Variants in CLCN7 observed in about 807,000 individuals in gnomAD.
The protein encoded by CLCN7 is H(+)/Cl(-) exchange transporter 7.
Under a neutral mutation model 102.1 loss-of-function variants are expected in CLCN7, and 60 were observed. The observed-to-expected ratio is 0.59, with a 90% confidence interval of 0.48 to 0.73. The LOEUF is 0.73. Ranked by LOEUF, CLCN7 falls within the 30% of genes least tolerant of loss-of-function variation. The probability of loss-of-function intolerance (pLI) is 0.00; values close to 1 mark genes in which losing one functional copy is unlikely to be tolerated. For synonymous variants in CLCN7, 560 were observed against 490.5 expected (o/e 1.14, Z -1.87); for missense variants, 962 against 1,125.7 (o/e 0.85, Z 2.08).
chr16:1,461,701 A>C, intron 2 of CLCN7, 27 bp from the exon 3 acceptor site: 1 of 1,601,968 alleles, frequency 6.2e-7, no homozygotes, highest in African/African-American at 1.3e-5. Flanking sequence ...CAAAGAGAGA[A>C]GCACAGTTGA....
At chr16:1,469,860 G>A (rs767487100) in intron 1 of CLCN7, among the ~76,000 whole-genome samples, 1 of 152,170 alleles carries the variant, frequency 6.6e-6, no homozygotes, top group African/African-American at 2.4e-5. Flanking sequence ...GCCTCTCCCC[G>A]CAATGGAATA....
chr16:1,452,515 G>A, intron 15 of CLCN7: 1 of 558,406 alleles, frequency 1.8e-6, no homozygotes, highest in African/African-American at 1.9e-5. Context: ...ATTCTGGGAA[G>A]AGGACTGGGG....
chr16:1,448,711 G>T lies in CLCN7; in HGVS notation c.1853C>A (p.Ala618Asp). The T allele has an allele frequency of 6.2e-7, 1 of 1,612,626 alleles. No homozygotes were observed. Among genetic ancestry groups the T allele is most frequent in the Non-Finnish European group, 8.5e-7 (1 of 1,179,962 alleles). The change falls in exon 20 of 25, where the codon GCC (alanine) becomes GAC (aspartate). Residue 618 changes from alanine (A) to aspartate (D), a missense_variant. Coordinates refer to ENST00000382745, the MANE Select transcript of CLCN7 (RefSeq NM_001287.6). Reference protein sequence around the residue: ...LQSVPFLHWEAPVTSHSLTAR... With the variant: ...LQSVPFLHWEDPVTSHSLTAR... Reference sequence around the variant, plus strand: ...AGTGAGTGAGTGTGAGGTGACCGGGGCCTCCCAGTGCAGGAAGGGCACACT... The same window carrying T: ...AGTGAGTGAGTGTGAGGTGACCGGGTCCTCCCAGTGCAGGAAGGGCACACT...
rs1159210965 is a variant in CLCN7 at position 1,448,976 on chromosome 16, A to G, written c.1787T>C (p.Val596Ala). 1 of 1,612,522 alleles carries G rather than the reference A, an allele frequency of 6.2e-7. No homozygotes were observed. Among genetic ancestry groups the G allele is most frequent in the African/African-American group, 1.3e-5 (1 of 74,984 alleles). The change falls in exon 19 of 25, where the codon GTC becomes GCC. Residue 596 changes from valine to alanine, a missense_variant. Transcript: ENST00000382745. ...VLMTAKIVGDVFIEGLYDMHI... is the reference protein window; with the variant it reads ...VLMTAKIVGDAFIEGLYDMHI... ...GAGGCCCTGGCGCACCTCAATGAAGACGTCGCCCACGATCTTGGCGGTCAT... is the reference window on the plus strand; with the variant it reads ...GAGGCCCTGGCGCACCTCAATGAAGGCGTCGCCCACGATCTTGGCGGTCAT...
At chr16:1,468,910 G>A (rs925121742) in intron 1 of CLCN7, among the ~76,000 whole-genome samples, 4 of 152,086 alleles carry the variant, frequency 2.6e-5, no homozygotes, top group African/African-American at 4.8e-5. Context: ...TCAAAAAAGG[G>A]CTGGGCACAG....
chr16:1,474,096 A>AT (rs951047287), intron 1 of CLCN7: 7 of 443,056 alleles, frequency 1.6e-5, no homozygotes, highest in African/African-American at 8.2e-5. Flanking sequence ...AAAAAAAAAA[A>AT]ATATTAAGAC....
rs548034838 is a variant in CLCN7 at position 1,457,423 on chromosome 16, G to A, written c.739-86C>T. 5.5e-4 allele frequency: 628 copies of A among 1,143,852 alleles called. 2 individuals are homozygous for A. Among genetic ancestry groups the A allele is most frequent in the Non-Finnish European group, 5.5e-4 (437 of 795,650 alleles). The allele number at this position is 1,143,852 out of a possible 1,614,324, so 70.9% of individuals were successfully genotyped here. On this transcript the variant is annotated intron_variant, in intron 8 of 24. Coordinates refer to ENST00000382745, the MANE Select transcript of CLCN7 (RefSeq NM_001287.6). The surrounding 1 kb of genome is among the most constrained non-coding windows in gnomAD (Gnocchi z 5.4). The stretch of plus-strand genomic sequence containing the variant: ...GAAGGACCGATGCTCAGAGACACGC[G>A]TGACGCGGCCCTTCCTGGAGACCAG...
In CLCN7 at chr16:1,445,944, T is replaced by G; in HGVS notation, c.*687A>C. The G allele has an allele frequency of 2.3e-5, 6 of 262,082 alleles. No homozygotes were observed. The highest frequency in any genetic ancestry group is 8.3e-5 in the South Asian group (1 of 11,978). The allele number at this position is 262,082 out of a possible 1,614,324, so 16.2% of individuals were successfully genotyped here. ...GGCATGGGGCTCAGGGCCTTGGAGG[T>G]TTTTCTCAGCTCTCAACATCACAGC... is the stretch of plus-strand genomic sequence containing the variant. On this transcript the variant is annotated 3_prime_UTR_variant, in exon 25 of 25. Transcript: ENST00000382745.
At chr16:1,450,731 GC>G (rs2038735318) in intron 16 of CLCN7, 65 bp from the exon 17 acceptor site, 1 of 1,217,280 alleles carries the variant, frequency 8.2e-7, no homozygotes, top group Non-Finnish European at 1.1e-6. Context: ...GCCCTGCCCC[GC>G]TGCCCAGTCT....
intron 10 of CLCN7, 61 bp downstream of exon 10, chr16:1,456,052 A>G: frequency 7.3e-7 from 1 of 1,361,038 alleles, no homozygotes; most frequent in Middle Eastern, 2.2e-4. Flanking sequence ...CAGAGAGGAG[A>G]CCGTTCCTTC....
intron 1 of CLCN7, among the ~76,000 whole-genome samples, chr16:1,468,715 T>G (rs1351338888): frequency 6.6e-6 from 1 of 151,490 alleles, no homozygotes; most frequent in Non-Finnish European, 1.5e-5. Context: ...GAAAGATGGG[T>G]CTGAAAATAG....
intron 19 of CLCN7, 90 bp downstream of exon 19, chr16:1,448,876 C>A (rs1026187628): frequency 6.9e-6 from 11 of 1,599,584 alleles, no homozygotes; most frequent in Admixed American, 3.3e-5. Flanking sequence ...GAGCCTACCC[C>A]CCGGGACCGG....
Position 1,446,090 on chromosome 16 carries a change from A to G in CLCN7, c.*541T>C. 1.7e-6 allele frequency: 1 copy of G among 590,496 alleles called. No homozygotes were observed. The highest frequency in any genetic ancestry group is 2.1e-5 in the South Asian group (1 of 48,060). The allele number at this position is 590,496 out of a possible 1,614,324, so 36.6% of individuals were successfully genotyped here. A position where few individuals can be genotyped will look rare whatever the true frequency, so the allele number is the denominator to read the frequency against. On this transcript the variant is annotated 3_prime_UTR_variant, in exon 25 of 25. Transcript: ENST00000382745. ...TGAAGCTGCTCTCCGGGGCGGTCGCAGCCTCCAAACCCTGGTGCTACGAGT... is the reference window on the plus strand; with the variant it reads ...TGAAGCTGCTCTCCGGGGCGGTCGCGGCCTCCAAACCCTGGTGCTACGAGT...
chr16:1,455,515 G>A lies in CLCN7; in HGVS notation c.981+216C>T, dbSNP rs191896610. ...TTCCCGGCTGTTTGATCCCCTACCC[G>A]GGAGCCACCCAGGGCTGGCAATGGT... On this transcript the variant is annotated intron_variant, in intron 11 of 24. Transcript: ENST00000382745. The A allele has an allele frequency of 2.1e-4, 140 of 668,218 alleles. No individual in the cohort carries two copies. The African/African-American group carries it at 2.2e-3, about 11-fold the overall frequency. 41.4% of individuals were successfully genotyped at this position (668,218 alleles called of 1,614,324 possible). A position where few individuals can be genotyped will look rare whatever the true frequency, so the allele number is the denominator to read the frequency against.
chr16:1,465,135 C>T, intron 2 of CLCN7, 132 bp downstream of exon 2: 1 of 787,530 alleles, frequency 1.3e-6, no homozygotes, highest in East Asian at 2.7e-5. Flanking sequence ...CATGTCCCCC[C>T]AAGGAAATCT....
chr16:1,464,506 C>T (rs1288807347), intron 2 of CLCN7, among the ~76,000 whole-genome samples: 1 of 152,268 alleles, frequency 6.6e-6, no homozygotes, highest in Non-Finnish European at 1.5e-5. Flanking sequence ...GGAAGAGGCG[C>T]TGCTGGCTGT....
intron 7 of CLCN7, 76 bp downstream of exon 7, chr16:1,459,031 G>A: frequency 1.6e-6 from 2 of 1,264,478 alleles, no homozygotes; most frequent in Non-Finnish European, 2.2e-6. Flanking sequence ...TGGAAGGCAG[G>A]CAGCCAAGAG....
intron 12 of CLCN7, among the ~76,000 whole-genome samples, chr16:1,454,740 C>T (rs569598367): frequency 3.0e-4 from 45 of 152,330 alleles, no homozygotes; most frequent in African/African-American, 1.0e-3. Context: ...GAACATAGCC[C>T]GTGGTCCCCC....
intron 14 of CLCN7, 97 bp downstream of exon 14, chr16:1,453,737 T>G (rs1432494895): frequency 1.7e-6 from 2 of 1,145,528 alleles, no homozygotes; most frequent in African/African-American, 3.0e-5. Flanking sequence ...CTTTCGGCTG[T>G]GGCCTAGGAG....
Sources: allele counts gnomAD v4.1 joint callset (sites outside exome capture counted in the v4.1 genomes callset), GRCh38; gene constraint gnomAD v4.1.1; non-coding constraint Gnocchi (gnomAD v3.1); transcripts MANE v1.5; gene names NCBI Gene and HGNC (gene_info 2026-07-23, HGNC 2026-07-21).